RGS6: variants seen among roughly 807,000 people sequenced by gnomAD.
RGS6 encodes regulator of G-protein signaling 6.
RGS6 carries 30 observed loss-of-function variants against 78.5 expected under a neutral mutation model. That is an observed-to-expected ratio of 0.38 (90% CI 0.29 to 0.52). The LOEUF (loss-of-function observed/expected upper bound fraction) is 0.52. Ranked by LOEUF, RGS6 falls within the 20% of genes least tolerant of loss-of-function variation. The probability of loss-of-function intolerance (pLI) is 0.85; values close to 1 mark genes in which losing one functional copy is unlikely to be tolerated. For missense variants in RGS6, 495 were observed against 609.7 expected (o/e 0.81, Z 1.98); for synonymous variants, 206 against 206.0 (o/e 1.00, Z 0.00).
chr14:72,141,506 C>T (rs1220895176), intron 2 of RGS6, among the ~76,000 whole-genome samples: 4 of 152,100 alleles, frequency 2.6e-5, no homozygotes, highest in East Asian at 1.9e-4. Flanking sequence ...TGATTCTCTC[C>T]GGGTAATATC....
chr14:72,243,631 T>C (rs1411994858), intron 2 of RGS6, among the ~76,000 whole-genome samples: 1 of 152,222 alleles, frequency 6.6e-6, no homozygotes, highest in Non-Finnish European at 1.5e-5. Flanking sequence ...GATAAACTCT[T>C]TCCTTTTTGT....
At chr14:71,983,314 A>T (rs1483796018) in intron 2 of RGS6, among the ~76,000 whole-genome samples, 1 of 152,248 alleles carries the variant, frequency 6.6e-6, no homozygotes, top group Non-Finnish European at 1.5e-5. Context: ...CTTTACCTGG[A>T]GGAAACCTTA....
intron 2 of RGS6, among the ~76,000 whole-genome samples, chr14:72,291,156 C>T (rs74986357): frequency 0.013 from 2,026 of 152,018 alleles, 34 homozygotes; most frequent in African/African-American, 0.046. Flanking sequence ...CTATTAACTT[C>T]AAGCCCTTAG....
chr14:72,472,963 C>G lies in RGS6; in HGVS notation c.618+10C>G. The G allele has an allele frequency of 1.3e-6, 2 of 1,574,664 alleles. No homozygotes were observed. Among genetic ancestry groups the G allele is most frequent in the Non-Finnish European group, 1.7e-6 (2 of 1,162,458 alleles). ...TGTCCACAGGCCTGTGGTGAGAAAG[C>G]GCTACTCAATTCTCTAGATTTTTTT... On this transcript the variant is annotated intron_variant, in intron 9 of 17. Coordinates refer to ENST00000553525, the MANE Select transcript of RGS6 (RefSeq NM_001204424.2).
chr14:71,926,657 C>G, the RGS6 span, among the ~76,000 whole-genome samples: 3 of 149,874 alleles, frequency 2.0e-5, no homozygotes, highest in African/African-American at 7.4e-5. Flanking sequence ...GTTGACAATA[C>G]CATGTGAGTT....
At chr14:72,587,735 A>G in the RGS6 span, among the ~76,000 whole-genome samples, 6 of 152,260 alleles carry the variant, frequency 3.9e-5, no homozygotes, top group Admixed American at 6.5e-5. Context: ...AGTCCTATCC[A>G]AATCTCATTC....
At chr14:72,420,783 C>T (rs2094132478) in intron 3 of RGS6, among the ~76,000 whole-genome samples, 1 of 152,208 alleles carries the variant, frequency 6.6e-6, no homozygotes, top group South Asian at 2.1e-4. Flanking sequence ...CTCTGTACCT[C>T]TACAAATAAG....
intron 2 of RGS6, among the ~76,000 whole-genome samples, chr14:72,102,314 T>TGTG: frequency 6.6e-6 from 1 of 152,070 alleles, no homozygotes; most frequent in East Asian, 1.9e-4. Flanking sequence ...CAAAATACAT[T>TGTG]TACATAAACA....
intron 9 of RGS6, among the ~76,000 whole-genome samples, chr14:72,473,184 C>T (rs1262558700): frequency 6.6e-6 from 1 of 152,226 alleles, no homozygotes; most frequent in Non-Finnish European, 1.5e-5. Flanking sequence ...CGGCTCACGC[C>T]TGTAATCCCA....
the RGS6 span, among the ~76,000 whole-genome samples, chr14:72,594,082 G>A: frequency 1.3e-5 from 2 of 152,236 alleles, no homozygotes; most frequent in South Asian, 4.2e-4. Context: ...AAGATAGTGT[G>A]GGCTTATGAA....
chr14:72,347,630 C>G (rs994799129), intron 2 of RGS6, among the ~76,000 whole-genome samples: 4 of 152,164 alleles, frequency 2.6e-5, no homozygotes, highest in African/African-American at 9.7e-5. Context: ...AGATAAAGCT[C>G]TTAGAGCAGT....
chr14:72,133,564 G>A (rs2096374086), intron 2 of RGS6, among the ~76,000 whole-genome samples: 1 of 152,040 alleles, frequency 6.6e-6, no homozygotes, highest in Non-Finnish European at 1.5e-5. Flanking sequence ...CCCCTGGCTT[G>A]CAATAACCCC....
intron 2 of RGS6, among the ~76,000 whole-genome samples, chr14:72,115,358 A>G (rs950692592): frequency 2.3e-4 from 35 of 152,172 alleles, no homozygotes; most frequent in Non-Finnish European, 1.5e-5. Flanking sequence ...GGGAAAATGG[A>G]CACGAAGCTG....
At chr14:72,502,550 G>A (rs1357077612) in intron 13 of RGS6, among the ~76,000 whole-genome samples, 2 of 152,210 alleles carry the variant, frequency 1.3e-5, no homozygotes, top group African/African-American at 4.8e-5. Flanking sequence ...CGGATCACGA[G>A]GTCAGGAGTT....
At chr14:72,396,271 A>G (rs2091243558) in intron 3 of RGS6, among the ~76,000 whole-genome samples, 1 of 152,090 alleles carries the variant, frequency 6.6e-6, no homozygotes. Context: ...TTTGATTTGC[A>G]TTTCTCTGAT....
chr14:72,278,920 G>A (rs900657897), intron 2 of RGS6, among the ~76,000 whole-genome samples: 1 of 152,074 alleles, frequency 6.6e-6, no homozygotes, highest in Non-Finnish European at 1.5e-5. Flanking sequence ...TGTGGGCAGT[G>A]CCCTCTTGTT....
rs118048280 is a variant in RGS6, at chr14:72,279,362, C to T, written c.85-72733C>T. ...GAGAGTCTAGTGGAAGGTGGGGCAGCGTGGGCCCAGCTGCTGTTGCCTGCC... is the reference window on the plus strand; with the variant it reads ...GAGAGTCTAGTGGAAGGTGGGGCAGTGTGGGCCCAGCTGCTGTTGCCTGCC... On this transcript the variant is annotated intron_variant, in intron 2 of 17. Coordinates refer to ENST00000553525, the MANE Select transcript of RGS6 (RefSeq NM_001204424.2). Among the ~76,000 whole-genome samples the T allele has an allele frequency of 8.5e-3, 1,285 of 150,926 alleles. 50 individuals carry two copies. The highest frequency in any genetic ancestry group is 0.06 in the Admixed American group (920 of 15,214).
At chr14:71,880,601 C>T in the RGS6 span, among the ~76,000 whole-genome samples, 7 of 152,236 alleles carry the variant, frequency 4.6e-5, no homozygotes, top group Admixed American at 4.6e-4. Context: ...GTGTAAGCCC[C>T]AAGCCTTGGC....
intron 2 of RGS6, among the ~76,000 whole-genome samples, chr14:72,289,778 A>G (rs138120573): frequency 1.4e-4 from 22 of 152,308 alleles, no homozygotes; most frequent in Admixed American, 6.5e-4. Context: ...CATACTTACA[A>G]AACTTAAATA....
Sources: allele counts gnomAD v4.1 joint callset (sites outside exome capture counted in the v4.1 genomes callset), GRCh38; gene constraint gnomAD v4.1.1; transcripts MANE v1.5; gene names NCBI Gene and HGNC (gene_info 2026-07-23, HGNC 2026-07-21).